Variants in HEATR4 observed in about 807,000 individuals in gnomAD.
The protein encoded by HEATR4 is HEAT repeat-containing protein 4.
In HEATR4, 95 loss-of-function variants were observed where a neutral mutation model predicts 108.8. That is an observed-to-expected ratio of 0.87 (90% CI 0.74 to 1.04). HEATR4 has a LOEUF of 1.04. HEATR4 is among the 50% of genes least tolerant of loss of function. The probability of loss-of-function intolerance (pLI) is 0.00; values close to 1 mark genes in which losing one functional copy is unlikely to be tolerated. For missense variants in HEATR4, 1,152 were observed against 1,253.8 expected (o/e 0.92, Z 1.23); for synonymous variants, 443 against 459.4 (o/e 0.96, Z 0.46).
chr14:73,479,984 G>A (rs147240589), intron 17 of HEATR4, among the ~76,000 whole-genome samples: 22 of 152,258 alleles, frequency 1.4e-4, no homozygotes, highest in Admixed American at 1.4e-3. Context: ...TAACACCAGA[G>A]TTCGATATAT....
the HEATR4 span, among the ~76,000 whole-genome samples, chr14:73,617,515 G>A: frequency 1.3e-5 from 2 of 152,068 alleles, no homozygotes; most frequent in East Asian, 3.9e-4. Flanking sequence ...AATCCCTGAA[G>A]ACTTGACTAT....
intron 17 of HEATR4, 30 bp from the exon 18 acceptor site, chr14:73,478,872 T>C (rs1885121682): frequency 1.3e-6 from 2 of 1,539,902 alleles, no homozygotes; most frequent in African/African-American, 1.4e-5. Flanking sequence ...CATGAGTGCA[T>C]ATGCCAAACG....
At chr14:73,612,253 T>G in the HEATR4 span, among the ~76,000 whole-genome samples, 92 of 152,324 alleles carry the variant, frequency 6.0e-4, no homozygotes, top group African/African-American at 2.0e-3. Context: ...TTGGTCAGGC[T>G]GGTCTTGAAC....
At chr14:73,504,039 T>A (rs559454909) in intron 10 of HEATR4, among the ~76,000 whole-genome samples, 133 of 152,160 alleles carry the variant, frequency 8.7e-4, no homozygotes, top group Non-Finnish European at 1.6e-3. Flanking sequence ...AGATGCAGAT[T>A]CTGATTGAGC....
intron 17 of HEATR4, among the ~76,000 whole-genome samples, chr14:73,483,636 G>T (rs1331162409): frequency 6.6e-6 from 1 of 152,066 alleles, no homozygotes; most frequent in East Asian, 1.9e-4. Context: ...AAGGAAATGT[G>T]AGCGTTTTTT....
At chr14:73,499,435 G>A (rs1249871853) in intron 12 of HEATR4, among the ~76,000 whole-genome samples, 5 of 152,102 alleles carry the variant, frequency 3.3e-5, no homozygotes, top group African/African-American at 4.8e-5. Context: ...AGCTGAGATC[G>A]TGCCACTGTA....
chr14:73,570,285 A>C, the HEATR4 span, among the ~76,000 whole-genome samples: 3 of 151,700 alleles, frequency 2.0e-5, no homozygotes, highest in Admixed American at 6.6e-5. Context: ...AAGACATTGT[A>C]AGGGCCAGGC....
chr14:73,514,473 GA>G (rs1484264269), intron 5 of HEATR4, among the ~76,000 whole-genome samples: 1 of 151,882 alleles, frequency 6.6e-6, no homozygotes, highest in Non-Finnish European at 1.5e-5. Flanking sequence ...TTTGTGGGGG[GA>G]AATTGAGATA....
the HEATR4 span, chr14:73,617,062 T>A: frequency 3.0e-6 from 4 of 1,350,966 alleles, no homozygotes; most frequent in Non-Finnish European, 4.2e-6. Context: ...AGGGCCAGCC[T>A]CCTGGCCGGA....
rs539920222 is a variant in HEATR4 at position 73,513,182 on chromosome 14, G to T, written c.1414+849C>A. 9.2e-5 allele frequency among the ~76,000 whole-genome samples: 14 copies of T among 152,302 alleles called. No individual in the cohort carries two copies. In the East Asian group the frequency reaches 2.5e-3, roughly 27 times the overall value. ...GAAAACAATAAGATAGGGTCGCCTG[G>T]GTGCAGTGGCTTATGCTTGTAATCC... On this transcript the variant is annotated intron_variant, in intron 6 of 17. Coordinates refer to ENST00000553558, the MANE Select transcript of HEATR4 (RefSeq NM_001220484.1).
chr14:73,489,834 G>A (rs930183288), intron 17 of HEATR4, among the ~76,000 whole-genome samples: 1 of 152,214 alleles, frequency 6.6e-6, no homozygotes, highest in African/African-American at 2.4e-5. Flanking sequence ...AGAGGACAAT[G>A]AATTTGAGAA....
intron 17 of HEATR4, among the ~76,000 whole-genome samples, chr14:73,490,548 C>T (rs1242203586): frequency 2.0e-5 from 3 of 152,322 alleles, no homozygotes; most frequent in South Asian, 2.1e-4. Flanking sequence ...GTCTCGATCT[C>T]CTGACCTCGT....
chr14:73,624,585 G>T, the HEATR4 span, among the ~76,000 whole-genome samples: 2 of 152,196 alleles, frequency 1.3e-5, no homozygotes, highest in African/African-American at 4.8e-5. Context: ...CAGCCTGGGT[G>T]ACAGAGAAAG....
chr14:73,598,667 G>T, the HEATR4 span, among the ~76,000 whole-genome samples: 1 of 152,152 alleles, frequency 6.6e-6, no homozygotes, highest in Non-Finnish European at 1.5e-5. Context: ...TAGAGTTTGA[G>T]ACCAGCCTGA....
chr14:73,585,805 C>G, the HEATR4 span, among the ~76,000 whole-genome samples: 1 of 146,040 alleles, frequency 6.8e-6, no homozygotes, highest in Admixed American at 6.8e-5. Context: ...TAGGAGACCA[C>G]TGTTTTGTCT....
At chr14:73,632,537 A>G in the HEATR4 span, among the ~76,000 whole-genome samples, 3 of 152,086 alleles carry the variant, frequency 2.0e-5, no homozygotes, top group Admixed American at 2.0e-4. Flanking sequence ...TCTCTCTCTT[A>G]AAAAAACAGA....
the HEATR4 span, among the ~76,000 whole-genome samples, chr14:73,564,898 A>T: frequency 1.3e-5 from 2 of 151,742 alleles, no homozygotes; most frequent in Non-Finnish European, 2.9e-5. Context: ...TAGTCTTTTT[A>T]AAAAATGTTA....
chr14:73,496,470 C>G, intron 15 of HEATR4, 131 bp downstream of exon 15: 1 of 609,454 alleles, frequency 1.6e-6, no homozygotes, highest in South Asian at 2.1e-5. Context: ...GATGTGGCAT[C>G]TGTGTCTGGG....
chr14:73,561,014 T>C (rs1889524231), upstream of HEATR4, among the ~76,000 whole-genome samples: 2 of 152,028 alleles, frequency 1.3e-5, no homozygotes, highest in Non-Finnish European at 2.9e-5. Flanking sequence ...CATCAGTGAA[T>C]GAATGGATAA....
Sources: allele counts gnomAD v4.1 joint callset (sites outside exome capture counted in the v4.1 genomes callset), GRCh38; gene constraint gnomAD v4.1.1; transcripts MANE v1.5; gene names NCBI Gene and HGNC (gene_info 2026-07-23, HGNC 2026-07-21).